Variants in ID3 observed in about 807,000 individuals in gnomAD.
ID3 encodes the protein inhibitor of DNA binding 3, also known as DNA-binding protein inhibitor ID-3.
ID3 carries 4 observed loss-of-function variants against 9.6 expected under a neutral mutation model. That is an observed-to-expected ratio of 0.42 (90% CI 0.21 to 0.96). ID3 has a LOEUF of 0.96. Among genes scored for constraint, ID3 ranks in the 40% least tolerant of loss-of-function variants. The pLI is 0.30. For synonymous variants in ID3, 108 were observed against 75.2 expected (o/e 1.44, Z -2.26); for missense variants, 191 against 164.5 (o/e 1.16, Z -0.88).
chr1:23,559,227 A>G lies in ID3; in HGVS notation c.200T>C (p.Val67Ala). 2 of 1,614,114 alleles carry G rather than the reference A, an allele frequency of 1.2e-6. No homozygotes were observed. The highest frequency in any genetic ancestry group is 1.7e-6 in the Non-Finnish European group (2 of 1,180,018). ...GTCGATGACGCGCTGTAGGATTTCC[A>G]CCTGGCTAAGCTGAGTGCCTCTCGG... ...GVPRGTQLSQ[V>A]EILQRVIDYI... Residue 67 changes from valine (V) to alanine (A), a missense_variant, in exon 1 of 3, where the codon GTG (valine) becomes GCG (alanine). Coordinates refer to ENST00000374561, the MANE Select transcript of ID3 (RefSeq NM_002167.5).
rs768836454 is a variant in ID3, at chr1:23,558,990, G to A, written c.330C>T (p.Ile110=). The change falls in exon 2 of 3, where the codon ATC becomes ATT. Residue 110 remains isoleucine, a synonymous_variant. Coordinates refer to ENST00000374561, the MANE Select transcript of ID3 (RefSeq NM_002167.5). ...QTAELTPELV[I]SNDKRSFCH The stretch of plus-strand genomic sequence containing the variant: ...GGCAAAAGCTCCTTTTGTCGTTGGA[G>A]ATGACAAGTTCCGGAGTGAGCTCGG... 15 of 1,614,202 alleles carry A rather than the reference G, an allele frequency of 9.3e-6. No homozygotes were observed. In the Admixed American group the frequency reaches 1.3e-4, roughly 14 times the overall value.
In ID3 at chr1:23,559,319, C is replaced by T; in HGVS notation, c.108G>A (p.Glu36=). 1.2e-6 allele frequency: 2 copies of T among 1,613,736 alleles called. No homozygotes were observed. Among genetic ancestry groups the T allele is most frequent in the Non-Finnish European group, 1.7e-6 (2 of 1,180,028 alleles). The part of the protein sequence containing the change: ...RGRGKGPAAE[E]PLSLLDDMNH... ...TCATGTCGTCCAGCAAGCTCAGCGGCTCCTCAGCTGCCGGGCCCTTCCCTC... is the reference window on the plus strand; with the variant it reads ...TCATGTCGTCCAGCAAGCTCAGCGGTTCCTCAGCTGCCGGGCCCTTCCCTC... The change falls in exon 1 of 3, where the codon GAG becomes GAA. Residue 36 remains glutamate, a synonymous_variant. Transcript: ENST00000374561.
chr1:23,559,296 A>G lies in ID3; in HGVS notation c.131T>C (p.Met44Thr). 1 of 1,614,010 alleles carries G rather than the reference A, an allele frequency of 6.2e-7. No homozygotes were observed. Residue 44 changes from methionine (M) to threonine (T), a missense_variant, in exon 1 of 3, where the codon ATG becomes ACG. Met to Thr is a moderately conservative substitution (Grantham distance 81, BLOSUM62 -1). Coordinates refer to ENST00000374561, the MANE Select transcript of ID3 (RefSeq NM_002167.5). Reference protein sequence around the residue: ...AEEPLSLLDDMNHCYSRLREL... With the variant: ...AEEPLSLLDDTNHCYSRLREL... ...CCGCAGGCGGGAGTAGCAGTGGTTC[A>G]TGTCGTCCAGCAAGCTCAGCGGCTC...
chr1:23,559,454 A>G lies in ID3; in HGVS notation c.-28T>C. ...TGGGGAGTGAGTCCAGAGGTGCCCC[A>G]AAGAGAAAGAAAACCAAAAGAAGTC... On this transcript the variant is annotated 5_prime_UTR_variant, in exon 1 of 3. Coordinates refer to ENST00000374561, the MANE Select transcript of ID3 (RefSeq NM_002167.5). The G allele has an allele frequency of 2.5e-6, 4 of 1,592,390 alleles. No individual in the cohort carries two copies. The highest frequency in any genetic ancestry group is 1.8e-5 in the Admixed American group (1 of 56,974).
Position 23,559,331 on chromosome 1 carries a change from C to CG in ID3, c.95dup (p.Ala33GlyfsTer3). On this transcript the variant is annotated frameshift_variant, in exon 1 of 3. Transcript: ENST00000374561. LOFTEE classifies it high-confidence loss of function. Reference sequence around the variant, plus strand: ...GCAAGCTCAGCGGCTCCTCAGCTGCCGGGCCCTTCCCTCGGCCCCGGGCGA... The same window carrying CG: ...GCAAGCTCAGCGGCTCCTCAGCTGCCGGGGCCCTTCCCTCGGCCCCGGGCGA... 6.2e-7 allele frequency: 1 copy of CG among 1,613,636 alleles called. No homozygotes were observed. Among genetic ancestry groups the CG allele is most frequent in the Non-Finnish European group, 8.5e-7 (1 of 1,180,038 alleles).
chr1:23,559,354 C>G lies in ID3; in HGVS notation c.73G>C (p.Ala25Pro), dbSNP rs201368186. The change falls in exon 1 of 3, where the codon GCC (alanine) becomes CCC (proline). Residue 25 changes from alanine to proline, a missense_variant. By Grantham distance (27) the Ala-to-Pro change is conservative (BLOSUM62 -1). Coordinates refer to ENST00000374561, the MANE Select transcript of ID3 (RefSeq NM_002167.5). Reference protein sequence around the residue: ...CCLSERSLAIARGRGKGPAAE... With the variant: ...CCLSERSLAIPRGRGKGPAAE... The stretch of plus-strand genomic sequence containing the variant: ...GCCGGGCCCTTCCCTCGGCCCCGGG[C>G]GATGGCCAGACTGCGTTCCGACAGG... The G allele has an allele frequency of 6.2e-7, 1 of 1,613,388 alleles. No individual in the cohort carries two copies. The highest frequency in any genetic ancestry group is 1.1e-5 in the South Asian group (1 of 91,082).
rs74062742 is a variant in ID3 at position 23,559,037 on chromosome 1, G to A, written c.301-18C>T. The A allele has an allele frequency of 7.9e-4, 1,283 of 1,613,966 alleles. 13 individuals carry two copies. The African/African-American group carries it at 0.016, about 20-fold the overall frequency. On this transcript the variant is annotated intron_variant, in intron 1 of 2. Transcript: ENST00000374561. ...TCGGCTGTCTGATTAGAGGAAAAGA[G>A]GGAAGAGTTACGCGAGGCAATCGGG...
rs1196139340 is a variant in ID3 at position 23,559,119 on chromosome 1, A to G, written c.300+8T>C. Reference sequence around the variant, plus strand: ...GGTGTTCAGCCCTGTCCCGACTTCGAGGCTTACCTGGATGGGAAGGTGGGG... The same window carrying G: ...GGTGTTCAGCCCTGTCCCGACTTCGGGGCTTACCTGGATGGGAAGGTGGGG... On this transcript the variant is annotated splice_region_variant and intron_variant, in intron 1 of 2. Coordinates refer to ENST00000374561, the MANE Select transcript of ID3 (RefSeq NM_002167.5). 1 of 1,613,522 alleles carries G rather than the reference A, an allele frequency of 6.2e-7. No homozygotes were observed. The highest frequency in any genetic ancestry group is 2.2e-5 in the East Asian group (1 of 44,840).
intron 2 of ID3, chr1:23,558,707 G>C (rs2124328912): frequency 1.8e-6 from 1 of 546,572 alleles, no homozygotes. Flanking sequence ...TGTCTACTTT[G>C]CCAGACCCTC....
chr1:23,558,955 C>T lies in ID3; in HGVS notation c.*5G>A, dbSNP rs2124329399. On this transcript the variant is annotated 3_prime_UTR_variant, in exon 2 of 3. Transcript: ENST00000374561. ...CTCACCTGGAGGTGTCAGGACACGG[C>T]CGAGTCAGTGGCAAAAGCTCCTTTT... 1 of 1,613,356 alleles carries T rather than the reference C, an allele frequency of 6.2e-7. No individual in the cohort carries two copies. The highest frequency in any genetic ancestry group is 2.2e-5 in the East Asian group (1 of 44,894).
chr1:23,559,089 G>C (rs770033404), intron 1 of ID3, 38 bp downstream of exon 1: 16 of 1,612,336 alleles, frequency 9.9e-6, no homozygotes, highest in Non-Finnish European at 1.4e-5. Flanking sequence ...CAGCATCCTT[G>C]CCTGGGTGTT....
chr1:23,559,066 T>G, intron 1 of ID3, 47 bp from the exon 2 acceptor site: 1 of 1,611,864 alleles, frequency 6.2e-7, no homozygotes, highest in Non-Finnish European at 8.5e-7. Context: ...AATCGGGAGC[T>G]CCGAGGGTCC....
At position 23,559,151 on chromosome 1, in the gene ID3, A is replaced by G; in HGVS notation, c.276T>C (p.Pro92=). Residue 92 remains proline (P), a synonymous_variant, in exon 1 of 3, where the codon CCT becomes CCC. Transcript: ENST00000374561. ...VVLAEPAPGP[P]DGPHLPIQTA... ...CCTGGATGGGAAGGTGGGGGCCATC[A>G]GGGGGTCCAGGGGCTGGCTCGGCCA... 2.5e-6 allele frequency: 4 copies of G among 1,614,020 alleles called. No individual in the cohort carries two copies. In the South Asian group the frequency reaches 4.4e-5, roughly 18 times the overall value.
chr1:23,559,154 G>C lies in ID3; in HGVS notation c.273C>G (p.Pro91=). ...GGATGGGAAGGTGGGGGCCATCAGGGGGTCCAGGGGCTGGCTCGGCCAGGA... is the reference window on the plus strand; with the variant it reads ...GGATGGGAAGGTGGGGGCCATCAGGCGGTCCAGGGGCTGGCTCGGCCAGGA... ...QVVLAEPAPG[P]PDGPHLPIQT... is the part of the protein sequence containing the mutation. Residue 91 remains proline (P), a synonymous_variant, in exon 1 of 3, where the codon CCC becomes CCG. Transcript: ENST00000374561. 1 of 1,614,178 alleles carries C rather than the reference G, an allele frequency of 6.2e-7. No individual in the cohort carries two copies. The highest frequency in any genetic ancestry group is 1.7e-5 in the Admixed American group (1 of 60,032).
At chr1:23,558,910 C>CCT in intron 2 of ID3, 25 bp downstream of exon 2, 1 of 1,524,108 alleles carries the variant, frequency 6.6e-7, no homozygotes, top group Non-Finnish European at 9.1e-7. Flanking sequence ...TTTAAACCTC[C>CCT]CTCTCCAAGA....
In ID3 at chr1:23,559,190, G is replaced by A; in HGVS notation, c.237C>T (p.Asp79=). 6.2e-7 allele frequency: 1 copy of A among 1,614,236 alleles called. No individual in the cohort carries two copies. The highest frequency in any genetic ancestry group is 8.5e-7 in the Non-Finnish European group (1 of 1,180,046). ...CTGGCTCGGCCAGGACTACCTGCAG[G>A]TCGAGAATGTAGTCGATGACGCGCT... ...ILQRVIDYIL[D]LQVVLAEPAP... is the part of the protein sequence containing the mutation. Residue 79 remains aspartate (D), a synonymous_variant, in exon 1 of 3, where the codon GAC becomes GAT. Transcript: ENST00000374561.
chr1:23,559,469 C>A lies in ID3; in HGVS notation c.-43G>T. The A allele has an allele frequency of 1.3e-6, 2 of 1,581,872 alleles. No individual in the cohort carries two copies. The highest frequency in any genetic ancestry group is 8.6e-7 in the Non-Finnish European group (1 of 1,163,112). On this transcript the variant is annotated 5_prime_UTR_variant, in exon 1 of 3. Coordinates refer to ENST00000374561, the MANE Select transcript of ID3 (RefSeq NM_002167.5). ...GAGGTGCCCCAAAGAGAAAGAAAAC[C>A]AAAAGAAGTCCCGCTACAGTGACCT...
rs1350235716 is a variant in ID3 at position 23,559,499 on chromosome 1, C to T, written c.-73G>A. 1.6e-5 allele frequency: 24 copies of T among 1,485,906 alleles called. No homozygotes were observed. Among genetic ancestry groups the T allele is most frequent in the East Asian group, 4.7e-5 (2 of 42,220 alleles). 92.0% of individuals were successfully genotyped at this position (1,485,906 alleles called of 1,614,324 possible). A position where few individuals can be genotyped will look rare whatever the true frequency, so the allele number is the denominator to read the frequency against. Reference sequence around the variant, plus strand: ...GAAGTCCCGCTACAGTGACCTGCAACGCGCGCACGCTCGCCGCGGCGGTCA... The same window carrying T: ...GAAGTCCCGCTACAGTGACCTGCAATGCGCGCACGCTCGCCGCGGCGGTCA... On this transcript the variant is annotated 5_prime_UTR_variant, in exon 1 of 3. Coordinates refer to ENST00000374561, the MANE Select transcript of ID3 (RefSeq NM_002167.5).
intron 2 of ID3, 172 bp downstream of exon 2, chr1:23,558,763 G>A: frequency 1.7e-6 from 1 of 599,652 alleles, no homozygotes; most frequent in Non-Finnish European, 3.0e-6. Flanking sequence ...AGGCTTAAAT[G>A]CACATCACAT....
Sources: gnomAD v4.1 joint callset for allele counts on GRCh38, gnomAD v4.1.1 for gene constraint, MANE v1.5 for transcripts, NCBI Gene and HGNC (gene_info 2026-07-23, HGNC 2026-07-21) for gene names.